Variants in GRM8 observed in about 807,000 individuals in gnomAD.
The protein encoded by GRM8 is glutamate metabotropic receptor 8, also known as metabotropic glutamate receptor 8.
A neutral mutation model predicts 87.2 loss-of-function variants in GRM8; 47 were observed. That is an observed-to-expected ratio of 0.54 (90% CI 0.43 to 0.69). The LOEUF is 0.69. Ranked by LOEUF, GRM8 falls within the 30% of genes least tolerant of loss-of-function variation. GRM8 has a pLI of 0.00. For missense variants in GRM8, 1,019 were observed against 1,139.2 expected, an observed-to-expected ratio of 0.89 and a Z score of 1.52; for synonymous variants, 396 against 404.5, an observed-to-expected ratio of 0.98 and a Z score of 0.25.
chr7:127,251,526 G>T (rs1798866764), intron 1 of GRM8, among the ~76,000 whole-genome samples: 1 of 152,082 alleles, frequency 6.6e-6, no homozygotes, highest in South Asian at 2.1e-4. Context: ...GTTTCCCAGC[G>T]CAGGTTCCTT....
intron 7 of GRM8, among the ~76,000 whole-genome samples, chr7:126,699,310 T>C (rs1424448432): frequency 6.6e-6 from 1 of 152,222 alleles, no homozygotes; most frequent in Non-Finnish European, 1.5e-5. Flanking sequence ...ATTGTAACTA[T>C]ACTGCTTTTA....
chr7:126,801,794 A>T (rs1384299574), intron 6 of GRM8, among the ~76,000 whole-genome samples: 1 of 152,136 alleles, frequency 6.6e-6, no homozygotes, highest in Non-Finnish European at 1.5e-5. Context: ...CTAGTTGCAG[A>T]GGGAAGAGAG....
At chr7:126,843,448 C>A (rs1796448508) in intron 6 of GRM8, among the ~76,000 whole-genome samples, 1 of 152,210 alleles carries the variant, frequency 6.6e-6, no homozygotes, top group Non-Finnish European at 1.5e-5. Flanking sequence ...AAATACATTT[C>A]TAGTGAGACA....
At chr7:126,902,152 A>G (rs184448666) in intron 6 of GRM8, among the ~76,000 whole-genome samples, 2 of 152,368 alleles carry the variant, frequency 1.3e-5, no homozygotes, top group Admixed American at 6.5e-5. Flanking sequence ...CGATTAAAAT[A>G]GTTGAAAAAT....
At chr7:127,068,386 A>G (rs1821343608) in intron 3 of GRM8, among the ~76,000 whole-genome samples, 1 of 152,198 alleles carries the variant, frequency 6.6e-6, no homozygotes, top group Admixed American at 6.5e-5. Flanking sequence ...TTCCAGGCAC[A>G]TTATCAGAAT....
At chr7:127,098,399 G>A (rs984802669) in intron 3 of GRM8, among the ~76,000 whole-genome samples, 22 of 151,984 alleles carry the variant, frequency 1.4e-4, no homozygotes, top group East Asian at 5.8e-4. Flanking sequence ...AAAATACTTC[G>A]TTTTAATCTT....
chr7:127,124,774 A>T (rs553468717), intron 2 of GRM8, among the ~76,000 whole-genome samples: 1 of 152,166 alleles, frequency 6.6e-6, no homozygotes, highest in Non-Finnish European at 1.5e-5. Flanking sequence ...CTGGAACCAG[A>T]TGTAGCCCCT....
At chr7:126,684,598 C>A (rs1807966131) in intron 7 of GRM8, among the ~76,000 whole-genome samples, 1 of 152,170 alleles carries the variant, frequency 6.6e-6, no homozygotes, top group African/African-American at 2.4e-5. Context: ...TCTGAAAAGT[C>A]TGGCTTGAAG....
chr7:126,884,069 A>AT (rs562622710), intron 6 of GRM8, among the ~76,000 whole-genome samples: 340 of 152,228 alleles, frequency 2.2e-3, no homozygotes, highest in African/African-American at 7.8e-3. Context: ...ATTAGCTGTG[A>AT]TTTTTTTCTA....
chr7:126,627,289 T>C (rs2151161287), intron 7 of GRM8, among the ~76,000 whole-genome samples: 1 of 152,344 alleles, frequency 6.6e-6, no homozygotes, highest in South Asian at 2.1e-4. Flanking sequence ...ACTGGGAAGG[T>C]GATGTTATTG....
intron 7 of GRM8, among the ~76,000 whole-genome samples, chr7:126,658,849 C>T (rs1804824167): frequency 6.6e-6 from 1 of 152,002 alleles, no homozygotes; most frequent in South Asian, 2.1e-4. Flanking sequence ...TACACAGACA[C>T]AGGTGTTTTG....
chr7:127,242,554 T>C, intron 2 of GRM8, 141 bp downstream of exon 2: 1 of 679,748 alleles, frequency 1.5e-6, no homozygotes, highest in East Asian at 2.6e-5. Flanking sequence ...CCATATAGAA[T>C]GTCCCATTTG....
intron 3 of GRM8, among the ~76,000 whole-genome samples, chr7:127,081,584 G>GT (rs35608797): frequency 0.29 from 43,836 of 152,030 alleles, 7,039 homozygotes; most frequent in African/African-American, 0.43. Context: ...GCCTTCATGG[G>GT]TAAACCCCCA....
intron 3 of GRM8, among the ~76,000 whole-genome samples, chr7:127,103,389 G>C (rs1825511854): frequency 6.6e-6 from 1 of 152,120 alleles, no homozygotes; most frequent in Non-Finnish European, 1.5e-5. Flanking sequence ...CACAAAATCT[G>C]TTCATTTAAA....
chr7:126,739,831 A>G (rs971493556), intron 7 of GRM8, among the ~76,000 whole-genome samples: 1 of 152,098 alleles, frequency 6.6e-6, no homozygotes, highest in Non-Finnish European at 1.5e-5. Flanking sequence ...GTTTGGATAC[A>G]CAAATACCAT....
chr7:126,493,103 A>G (rs978872283), intron 9 of GRM8, among the ~76,000 whole-genome samples: 6 of 152,082 alleles, frequency 3.9e-5, no homozygotes, highest in Non-Finnish European at 7.4e-5. Context: ...CAGAGTGGAT[A>G]AAACATTTTC....
At chr7:126,732,971 T>C (rs1181480888) in intron 7 of GRM8, among the ~76,000 whole-genome samples, 1 of 152,128 alleles carries the variant, frequency 6.6e-6, no homozygotes, top group Non-Finnish European at 1.5e-5. Flanking sequence ...AACACAAATC[T>C]GTAAACTTTC....
intron 2 of GRM8, among the ~76,000 whole-genome samples, chr7:127,225,592 A>C (rs780374000): frequency 3.3e-5 from 5 of 151,582 alleles, no homozygotes; most frequent in Admixed American, 6.6e-5. Flanking sequence ...CAAACGCTTA[A>C]ATGAGCTGGG....
chr7:126,939,369 T>C (rs537308203), intron 3 of GRM8, among the ~76,000 whole-genome samples: 60 of 152,254 alleles, frequency 3.9e-4, no homozygotes, highest in African/African-American at 1.4e-3. Context: ...GAATTATCAC[T>C]CCCTAATTGA....
Sources: gnomAD v4.1 joint callset for allele counts (sites outside exome capture counted in the v4.1 genomes callset) on GRCh38, gnomAD v4.1.1 for gene constraint, MANE v1.5 for transcripts, NCBI Gene and HGNC (gene_info 2026-07-23, HGNC 2026-07-21) for gene names.